Variants in GDPD2 observed in about 807,000 individuals in gnomAD.
GDPD2 encodes glycerophosphodiester phosphodiesterase domain containing 2.
GDPD2 carries 23 observed loss-of-function variants against 49.2 expected under a neutral mutation model. The ratio of observed to expected loss-of-function variants is 0.47; its 90% CI spans 0.34 to 0.66. GDPD2 has a LOEUF of 0.66. Among genes scored for constraint, GDPD2 ranks in the 30% least tolerant of loss-of-function variants. GDPD2 has a pLI of 0.01. For synonymous variants in GDPD2, 167 were observed against 171.4 expected, an observed-to-expected ratio of 0.97 and a Z score of 0.20; for missense variants, 338 against 424.7, an observed-to-expected ratio of 0.80 and a Z score of 1.79.
intron 12 of GDPD2, among the ~76,000 whole-genome samples, 170 bp from the exon 13 acceptor site, chrX:70,432,137 A>T (rs1029288673): frequency 8.9e-6 from 1 of 111,869 alleles, no homozygotes; most frequent in African/African-American, 3.3e-5. Flanking sequence ...CAGAAGACAG[A>T]GTTCAGCTAT....
At chrX:70,425,940 G>A (rs1602833188) in intron 4 of GDPD2, 84 bp downstream of exon 4, 3 of 879,003 alleles carry the variant, frequency 3.4e-6, no homozygotes, top group East Asian at 3.1e-5. Flanking sequence ...CCTGGCCACT[G>A]AGGGAGGGGG....
Position 70,432,452 on chromosome X carries a change from A to T in GDPD2, c.1453A>T (p.Ile485Phe). Residue 485 changes from isoleucine (I) to phenylalanine (F), a missense_variant and splice_region_variant, in exon 13 of 16, where the codon ATT becomes TTT. Coordinates refer to ENST00000374382, the MANE Select transcript of GDPD2 (RefSeq NM_017711.4). ...GCAGATGCGTTACCCTATCTGGCTTATTGTAAGGGCTCTGGGACTGTCACC... is the reference window on the plus strand; with the variant it reads ...GCAGATGCGTTACCCTATCTGGCTTTTTGTAAGGGCTCTGGGACTGTCACC... ...LQQMRYPIWL[I>F]TPQTYLIIWV... 8.3e-7 allele frequency: 1 copy of T among 1,209,012 alleles called. No individual in the cohort carries two copies.
In GDPD2 at chrX:70,425,747, C is replaced by G. The variant is rs755080253; in HGVS notation, c.210-16C>G. On this transcript the variant is annotated splice_polypyrimidine_tract_variant and intron_variant, in intron 3 of 15. Transcript: ENST00000374382. Reference sequence around the variant, plus strand: ...CCCCTTCCCCCACTTGGACACCTCCCTCTCCCCTCCCACAGATTCCTCTTC... The same window carrying G: ...CCCCTTCCCCCACTTGGACACCTCCGTCTCCCCTCCCACAGATTCCTCTTC... 2.8e-6 allele frequency: 3 copies of G among 1,087,457 alleles called. No homozygotes were observed. In the East Asian group the frequency reaches 9.0e-5, roughly 33 times the overall value. 89.6% of individuals were successfully genotyped at this position (1,087,457 alleles called of 1,213,427 possible).
At position 70,427,360 on chromosome X, in the gene GDPD2, C is replaced by T. The variant is rs1258310958; in HGVS notation, c.833C>T (p.Thr278Ile). 8 of 1,208,897 alleles carry T rather than the reference C, an allele frequency of 6.6e-6. No homozygotes were observed. The highest frequency in any genetic ancestry group is 9.0e-6 in the Non-Finnish European group (8 of 893,116). The change falls in exon 10 of 16, where the codon ACC (threonine) becomes ATC (isoleucine). Residue 278 changes from threonine (T) to isoleucine (I), a missense_variant. Physicochemically the swap from Thr to Ile is moderately conservative, Grantham distance 89. Coordinates refer to ENST00000374382, the MANE Select transcript of GDPD2 (RefSeq NM_017711.4). ...ATGCATGATGAGCACCTCAGCAGGA[C>T]CACGAATGTAGCCTCTGTATTCCCA... Reference protein sequence around the residue: ...FLMHDEHLSRTTNVASVFPTR... With the variant: ...FLMHDEHLSRITNVASVFPTR...
In GDPD2 at chrX:70,429,712, A is replaced by T; in HGVS notation, c.1156A>T (p.Met386Leu). 8.4e-7 allele frequency: 1 copy of T among 1,184,090 alleles called. No homozygotes were observed. The highest frequency in any genetic ancestry group is 1.8e-5 in the South Asian group (1 of 55,874). The change falls in exon 11 of 16, where the codon ATG becomes TTG. Residue 386 changes from methionine (M) to leucine (L), a missense_variant and splice_region_variant. Physicochemically the swap from Met to Leu is conservative, Grantham distance 15. Coordinates refer to ENST00000374382, the MANE Select transcript of GDPD2 (RefSeq NM_017711.4). ...TVLNARVPQA[M>L]VFWLPDEDRA... ...GCTGAATGCAAGGGTGCCCCAAGCC[A>T]TGGTGATGTTGCCAGGACCCCCTCT...
At chrX:70,430,318 G>A (rs1288067066) in intron 12 of GDPD2, among the ~76,000 whole-genome samples, 1 of 112,411 alleles carries the variant, frequency 8.9e-6, no homozygotes, top group African/African-American at 3.2e-5. Context: ...CATGCATATT[G>A]AAAAGTGAAA....
At chrX:70,426,767 C>T in intron 7 of GDPD2, 26 bp downstream of exon 7, 1 of 1,168,686 alleles carries the variant, frequency 8.6e-7, no homozygotes, top group Non-Finnish European at 1.2e-6. Context: ...CCCCACTCAC[C>T]CTTGCTGGCC....
At chrX:70,423,899 G>A (rs990760213) in intron 1 of GDPD2, among the ~76,000 whole-genome samples, 3 of 111,591 alleles carry the variant, frequency 2.7e-5, no homozygotes. Flanking sequence ...CAGCCCGCAC[G>A]CACACATGCT....
At position 70,426,948 on chromosome X, in the gene GDPD2, C is replaced by T; in HGVS notation, c.639C>T (p.Cys213=). 1 of 1,209,090 alleles carries T rather than the reference C, an allele frequency of 8.3e-7. No individual in the cohort carries two copies. The highest frequency in any genetic ancestry group is 1.1e-6 in the Non-Finnish European group (1 of 893,563). The change falls in exon 8 of 16, where the codon TGC becomes TGT. Residue 213 remains cysteine (C), a synonymous_variant. Coordinates refer to ENST00000374382, the MANE Select transcript of GDPD2 (RefSeq NM_017711.4). ...CCCCCCTATGCATCTCCTCACCCTG[C>T]ATCATGGAACCCAGAGACTTACCAC... ...YLAPLCISSP[C]IMEPRDLPPK...
chrX:70,432,569 A>G lies in GDPD2; in HGVS notation c.1456-10A>G. 8.4e-7 allele frequency: 1 copy of G among 1,183,813 alleles called. No homozygotes were observed. Among genetic ancestry groups the G allele is most frequent in the Non-Finnish European group, 1.1e-6 (1 of 871,796 alleles). On this transcript the variant is annotated splice_polypyrimidine_tract_variant and intron_variant, in intron 13 of 15. Transcript: ENST00000374382. ...CATTCTACCCTTGGGGCCTTTTCCT[A>G]TTTTCACAGACCCCTCAAACCTACC...
chrX:70,426,454 G>T lies in GDPD2; in HGVS notation c.447G>T (p.Leu149Phe). 4 of 1,208,392 alleles carry T rather than the reference G, an allele frequency of 3.3e-6. No individual in the cohort carries two copies. The highest frequency in any genetic ancestry group is 4.5e-6 in the Non-Finnish European group (4 of 892,188). Reference protein sequence around the residue: ...DIQWQQEWHSLRVSLQATAPF... With the variant: ...DIQWQQEWHSFRVSLQATAPF... The stretch of plus-strand genomic sequence containing the variant: ...AATGGCAGCAGGAGTGGCATAGCTT[G>T]CGTGTGTCACTGCAGGTGAGTGGCC... Residue 149 changes from leucine (L) to phenylalanine (F), a missense_variant, in exon 6 of 16, where the codon TTG becomes TTT. By Grantham distance (22) the Leu-to-Phe change is conservative. Around this residue, in one of 3 missense-constraint regions of GDPD2, gnomAD observed 253 missense variants for 330.4 expected, o/e 0.77. Transcript: ENST00000374382.
At position 70,432,894 on chromosome X, in the gene GDPD2, A is replaced by C; in HGVS notation, c.1539-18A>C. ...TGAAGCTAGCTGAACTCATAATGGGAAGCTTTTCTCCCCACAGAAGATTTG... is the reference window on the plus strand; with the variant it reads ...TGAAGCTAGCTGAACTCATAATGGGCAGCTTTTCTCCCCACAGAAGATTTG... On this transcript the variant is annotated intron_variant, in intron 14 of 15. Transcript: ENST00000374382. The C allele has an allele frequency of 1.7e-6, 2 of 1,172,892 alleles. No homozygotes were observed. The highest frequency in any genetic ancestry group is 3.6e-5 in the South Asian group (2 of 55,889).
At position 70,433,124 on chromosome X, in the gene GDPD2, T is replaced by C; in HGVS notation, c.*38T>C. ...GCTTCCCCACCCAAGCCAGTCTACA[T>C]TGCCCAAACAGCAAGGGTTGGAGAG... is the stretch of plus-strand genomic sequence containing the variant. On this transcript the variant is annotated 3_prime_UTR_variant, in exon 16 of 16. Coordinates refer to ENST00000374382, the MANE Select transcript of GDPD2 (RefSeq NM_017711.4). The C allele has an allele frequency of 9.5e-7, 1 of 1,056,362 alleles. No homozygotes were observed. The highest frequency in any genetic ancestry group is 1.3e-6 in the Non-Finnish European group (1 of 757,929). 87.1% of individuals were successfully genotyped at this position (1,056,362 alleles called of 1,213,427 possible).
chrX:70,432,855 T>C, intron 14 of GDPD2, 57 bp from the exon 15 acceptor site: 2 of 983,561 alleles, frequency 2.0e-6, no homozygotes, highest in East Asian at 3.1e-5. Flanking sequence ...GTGTGGGGGC[T>C]GGAAGGGCCT....
chrX:70,429,411 G>C (rs1452601476), intron 10 of GDPD2, 82 bp from the exon 11 acceptor site: 18 of 598,304 alleles, frequency 3.0e-5, no homozygotes, highest in Non-Finnish European at 1.6e-5. Flanking sequence ...ACACCAAGTG[G>C]AAGATATGAG....
chrX:70,429,107 G>A, intron 10 of GDPD2, among the ~76,000 whole-genome samples: 1 of 111,938 alleles, frequency 8.9e-6, no homozygotes, highest in Non-Finnish European at 1.9e-5. Context: ...GGGAGTTGTA[G>A]GGCAAGTGGG....
intron 10 of GDPD2, chrX:70,427,690 A>G: frequency 2.9e-6 from 1 of 345,365 alleles, no homozygotes; most frequent in Admixed American, 4.7e-5. Flanking sequence ...GTGGATTCAT[A>G]CAGGAGAGGA....
intron 14 of GDPD2, 80 bp from the exon 15 acceptor site, chrX:70,432,832 T>C (rs2086490146): frequency 1.2e-6 from 1 of 841,788 alleles, no homozygotes; most frequent in South Asian, 2.1e-5. Flanking sequence ...GGAAAGGCAG[T>C]TGGGGGGAGC....
At chrX:70,423,480 C>G (rs2086395860) in intron 1 of GDPD2, 98 bp downstream of exon 1, 1 of 111,974 alleles carries the variant, frequency 8.9e-6, no homozygotes, top group Admixed American at 9.4e-5. Flanking sequence ...TTGAATGGCA[C>G]CCCTGTCAGC....
Sources: gnomAD v4.1 joint callset for allele counts (sites outside exome capture counted in the v4.1 genomes callset) on GRCh38, gnomAD v4.1.1 for gene constraint, gnomAD v4.1.1 regional missense constraint, MANE v1.5 for transcripts, NCBI Gene and HGNC (gene_info 2026-07-23, HGNC 2026-07-21) for gene names.